The following ITGB3BP variants were observed in gnomAD, a reference collection of about 807,000 sequenced individuals.
ITGB3BP encodes the protein integrin subunit beta 3 binding protein.
In ITGB3BP, 27 loss-of-function variants were observed where a neutral mutation model predicts 29.1. The observed-to-expected ratio is 0.93, with a 90% CI of 0.68 to 1.28. The LOEUF is 1.28. ITGB3BP is among the 50% of genes most tolerant of loss of function. ITGB3BP has a pLI of 0.00. For synonymous variants in ITGB3BP, 61 were observed against 61.4 expected, an observed-to-expected ratio of 0.99 and a Z score of 0.03; for missense variants, 192 against 200.2, an observed-to-expected ratio of 0.96 and a Z score of 0.25.
intron 4 of ITGB3BP, among the ~76,000 whole-genome samples, chr1:63,470,339 T>C (rs549429737): frequency 1.3e-5 from 2 of 152,268 alleles, no homozygotes; most frequent in South Asian, 2.1e-4. Flanking sequence ...GGGAGTCTAT[T>C]AGTATAGAAA....
intron 1 of ITGB3BP, among the ~76,000 whole-genome samples, chr1:63,508,822 T>C (rs1182100512): frequency 1.3e-5 from 2 of 152,158 alleles, no homozygotes; most frequent in African/African-American, 2.4e-5. Flanking sequence ...TGCAGTTATA[T>C]ATACAAGGAC....
intron 4 of ITGB3BP, among the ~76,000 whole-genome samples, chr1:63,472,858 C>A (rs1248046443): frequency 6.6e-6 from 1 of 152,076 alleles, no homozygotes; most frequent in Non-Finnish European, 1.5e-5. Flanking sequence ...GCCTTGGCCT[C>A]CCAAAGTGCC....
intron 2 of ITGB3BP, among the ~76,000 whole-genome samples, chr1:63,505,167 TA>T (rs1399036826): frequency 2.6e-5 from 4 of 152,224 alleles, no homozygotes; most frequent in Non-Finnish European, 5.9e-5. Flanking sequence ...GGTAAGCTAA[TA>T]ATTATTGCCT....
intron 4 of ITGB3BP, among the ~76,000 whole-genome samples, chr1:63,477,837 A>C (rs570551532): frequency 3.0e-4 from 46 of 152,212 alleles, no homozygotes; most frequent in Non-Finnish European, 5.9e-4. Context: ...AAATGAGCTA[A>C]ACATATGCAC....
chr1:63,477,086 G>A (rs1214283438), intron 4 of ITGB3BP, among the ~76,000 whole-genome samples: 1 of 152,194 alleles, frequency 6.6e-6, no homozygotes, highest in East Asian at 1.9e-4. Flanking sequence ...TGGAGGAGCA[G>A]CATGTCGAGG....
intron 3 of ITGB3BP, among the ~76,000 whole-genome samples, chr1:63,483,002 T>C (rs1645467350): frequency 6.6e-6 from 1 of 152,282 alleles, no homozygotes; most frequent in Middle Eastern, 3.4e-3. Context: ...TTAAGTCCCA[T>C]AGATAGAAAT....
At chr1:63,504,045 T>C (rs1225895338) in intron 2 of ITGB3BP, among the ~76,000 whole-genome samples, 1 of 151,920 alleles carries the variant, frequency 6.6e-6, no homozygotes, top group Non-Finnish European at 1.5e-5. Flanking sequence ...TCCAATTCTG[T>C]GAAGAAAGTC....
At chr1:63,469,334 T>A (rs1425130776) in intron 4 of ITGB3BP, among the ~76,000 whole-genome samples, 3 of 151,210 alleles carry the variant, frequency 2.0e-5, no homozygotes, top group African/African-American at 4.9e-5. Context: ...TTATTATTTT[T>A]TTTTTTTTTG....
chr1:63,516,980 C>T (rs991984635), intron 1 of ITGB3BP, among the ~76,000 whole-genome samples: 1 of 151,674 alleles, frequency 6.6e-6, no homozygotes, highest in Non-Finnish European at 1.5e-5. Flanking sequence ...CACATATACA[C>T]CCTGAGTCTA....
At chr1:63,453,288 C>G (rs373386082) in intron 7 of ITGB3BP, among the ~76,000 whole-genome samples, 3 of 152,216 alleles carry the variant, frequency 2.0e-5, no homozygotes, top group Admixed American at 6.5e-5. Flanking sequence ...CATTTTAAGG[C>G]CTAATTCCAC....
chr1:63,483,543 G>A (rs966871251), intron 3 of ITGB3BP, among the ~76,000 whole-genome samples: 2 of 151,106 alleles, frequency 1.3e-5, no homozygotes, highest in Non-Finnish European at 3.0e-5. Context: ...CTTTATTATT[G>A]CCCTGTTTTC....
At chr1:63,521,795 A>T (rs1646454960) in intron 1 of ITGB3BP, among the ~76,000 whole-genome samples, 1 of 152,214 alleles carries the variant, frequency 6.6e-6, no homozygotes, top group South Asian at 2.1e-4. Context: ...AAAAGAAAAA[A>T]AAAGTTCCAC....
At chr1:63,504,259 T>C (rs1193623588) in intron 2 of ITGB3BP, among the ~76,000 whole-genome samples, 1 of 151,952 alleles carries the variant, frequency 6.6e-6, no homozygotes, top group African/African-American at 2.4e-5. Context: ...CTAGGTATTT[T>C]ATTCTCTTTG....
At chr1:63,462,561 A>G (rs1260025046) in intron 4 of ITGB3BP, among the ~76,000 whole-genome samples, 1 of 152,222 alleles carries the variant, frequency 6.6e-6, no homozygotes, top group Non-Finnish European at 1.5e-5. Context: ...TTTAGGGGAA[A>G]GCTTTCAGTC....
intron 2 of ITGB3BP, 142 bp from the exon 3 acceptor site, chr1:63,490,360 C>T (rs1371838649): frequency 6.8e-6 from 4 of 586,752 alleles, no homozygotes; most frequent in Non-Finnish European, 1.2e-5. Flanking sequence ...TCAACTATCA[C>T]TCTCAAAGTA....
intron 1 of ITGB3BP, among the ~76,000 whole-genome samples, chr1:63,516,727 AG>A (rs1646339088): frequency 6.7e-6 from 1 of 149,550 alleles, no homozygotes; most frequent in South Asian, 2.1e-4. Flanking sequence ...AAAAAAAAAA[AG>A]AAAAAAGAAA....
In ITGB3BP at chr1:63,453,901, A is replaced by G; in HGVS notation, c.484+17T>C. The stretch of plus-strand genomic sequence containing the variant: ...TGAAAGCATCTTTATGTAATAAACT[A>G]AAACACAACTACTTACCTTTGTGAG... On this transcript the variant is annotated intron_variant, in intron 7 of 8. Transcript: ENST00000271002. 1.3e-6 allele frequency: 2 copies of G among 1,505,616 alleles called. No individual in the cohort carries two copies. The highest frequency in any genetic ancestry group is 1.8e-6 in the Non-Finnish European group (2 of 1,088,764). The allele number at this position is 1,505,616 out of a possible 1,614,324, so 93.3% of individuals were successfully genotyped here. A position where few individuals can be genotyped will look rare whatever the true frequency, so the allele number is the denominator to read the frequency against.
chr1:63,491,333 GAAC>G (rs1570247784), intron 2 of ITGB3BP, among the ~76,000 whole-genome samples: 2 of 152,230 alleles, frequency 1.3e-5, no homozygotes, highest in East Asian at 1.9e-4. Context: ...AAAGTTAGAA[GAAC>G]AACAAAGAGG....
chr1:63,458,161 T>C (rs1644962763), intron 4 of ITGB3BP: 1 of 152,176 alleles, frequency 6.6e-6, no homozygotes, highest in Admixed American at 6.6e-5. Flanking sequence ...GATGTATCCA[T>C]TAATTCTGCT....
Sources: gnomAD v4.1 joint callset for allele counts (sites outside exome capture counted in the v4.1 genomes callset) on GRCh38, gnomAD v4.1.1 for gene constraint, MANE v1.5 for transcripts, NCBI Gene and HGNC (gene_info 2026-07-23, HGNC 2026-07-21) for gene names.